SHC2: variants seen among roughly 807,000 people sequenced by gnomAD.
SHC2 encodes SHC adaptor protein 2.
In SHC2, 62 loss-of-function variants were observed where a neutral mutation model predicts 60.6. That is an observed-to-expected ratio of 1.02 (90% CI 0.83 to 1.26). The LOEUF (loss-of-function observed/expected upper bound fraction) is 1.26, where lower values mean the gene tolerates loss of function less well. Ranked by LOEUF, SHC2 falls within the 50% of genes most tolerant of loss-of-function variation. The pLI, the probability that SHC2 is intolerant of heterozygous loss-of-function variation, is 0.00. For missense variants in SHC2, 873 were observed against 822.2 expected, an observed-to-expected ratio of 1.06 and a Z score of -0.76; for synonymous variants, 375 against 372.4, an observed-to-expected ratio of 1.01 and a Z score of -0.08.
chr19:427,524 CA>C (rs1974449446), intron 9 of SHC2, among the ~76,000 whole-genome samples: 1 of 138,964 alleles, frequency 7.2e-6, no homozygotes, highest in African/African-American at 2.7e-5. Context: ...GCGCACGGCA[CA>C]GGGAAGGGGA....
At position 441,186 on chromosome 19, in the gene SHC2, C is replaced by A. The variant is rs148721060; in HGVS notation, c.469-254G>T. ...TCAGGAGCCTGGTGGTTCCCCCAGA[C>A]GCTCTATGCTGCTTGTTCATTTAAC... On this transcript the variant is annotated intron_variant, in intron 1 of 12. Transcript: ENST00000264554. The surrounding 1 kb of genome is among the most constrained non-coding windows in gnomAD (Gnocchi z 4.9). 4 of 984,274 alleles carry A rather than the reference C, an allele frequency of 4.1e-6. No individual in the cohort carries two copies. The East Asian group carries it at 4.6e-4, about 113-fold the overall frequency. The allele number at this position is 984,274 out of a possible 1,614,324, so 61.0% of individuals were successfully genotyped here.
rs1234985891 is a variant in SHC2 at position 440,864 on chromosome 19, G to A, written c.537C>T (p.Thr179=). The change falls in exon 2 of 13, where the codon ACC becomes ACT. Residue 179 remains threonine (T), a splice_region_variant and synonymous_variant. Transcript: ENST00000264554. The surrounding 1 kb of genome is among the most constrained non-coding windows in gnomAD (Gnocchi z 7.0). ...CCAGGGCAGGGTTGGAGGCTCACCT[G>A]GTCACCTGCGTGCGCGTGTTAAAGT... ...SLDFNTRTQV[T]REAINRLHEA... is the part of the protein sequence containing the mutation. The A allele has an allele frequency of 1.2e-6, 2 of 1,612,272 alleles. No homozygotes were observed. The highest frequency in any genetic ancestry group is 1.7e-6 in the Non-Finnish European group (2 of 1,179,472).
At chr19:420,790 G>A (rs1445430297) in intron 11 of SHC2, among the ~76,000 whole-genome samples, 7 of 152,074 alleles carry the variant, frequency 4.6e-5, no homozygotes, top group East Asian at 1.9e-4. Context: ...GGTGGCTCAC[G>A]CCTGTAATCC....
Position 425,235 on chromosome 19 carries a change from G to C in SHC2, c.1175-4C>G. The C allele has an allele frequency of 7.5e-7, 1 of 1,329,576 alleles. No homozygotes were observed. Among genetic ancestry groups the C allele is most frequent in the Middle Eastern group, 2.4e-4 (1 of 4,126 alleles). The allele number at this position is 1,329,576 out of a possible 1,614,324, so 82.4% of individuals were successfully genotyped here. On this transcript the variant is annotated splice_region_variant and splice_polypyrimidine_tract_variant and intron_variant, in intron 9 of 12. Transcript: ENST00000264554. The surrounding 1 kb of genome is among the most constrained non-coding windows in gnomAD (Gnocchi z 4.1). ...ACGTAGCCGTCCCCCGGTGGAGCTG[G>C]GGAGTGTAAAGAGGGGCAGGGGGTC... is the stretch of plus-strand genomic sequence containing the variant.
chr19:447,790 A>T (rs1449243418), intron 1 of SHC2, among the ~76,000 whole-genome samples: 7 of 152,194 alleles, frequency 4.6e-5, no homozygotes, highest in Middle Eastern at 3.4e-3. Context: ...AAAAAAAATT[A>T]AAAAATTATA....
At position 436,224 on chromosome 19, in the gene SHC2, G is replaced by A. The variant is rs139489974; in HGVS notation, c.894C>T (p.Phe298=). The A allele has an allele frequency of 1.4e-4, 227 of 1,603,450 alleles. No individual in the cohort carries two copies. In the African/African-American group the frequency reaches 1.9e-3, roughly 14 times the overall value. Residue 298 remains phenylalanine, a synonymous_variant, in exon 7 of 13, where the codon TTC becomes TTT. Transcript: ENST00000264554. ...GCAGGTACTGCTTGAAGCGCAGCTCGAAAGCTTGGCCCACGGTGCTGATGA... is the reference window on the plus strand; with the variant it reads ...GCAGGTACTGCTTGAAGCGCAGCTCAAAAGCTTGGCCCACGGTGCTGATGA... ...QSIISTVGQA[F]ELRFKQYLHS... is the part of the protein sequence containing the mutation.
intron 9 of SHC2, among the ~76,000 whole-genome samples, chr19:426,926 C>G (rs995013863): frequency 6.6e-6 from 1 of 151,968 alleles, no homozygotes; most frequent in African/African-American, 2.4e-5. Context: ...CCTGGACCCG[C>G]GCTATGGGCA....
At position 437,256 on chromosome 19, in the gene SHC2, T is replaced by TGCGTGCTCGTC. The variant is rs1974746516; in HGVS notation, c.721-574_721-573insGACGAGCACGC. Among the ~76,000 whole-genome samples the TGCGTGCTCGTC allele has an allele frequency of 6.0e-5, 9 of 151,250 alleles. No homozygotes were observed. The South Asian group carries it at 1.3e-3, about 21-fold the overall frequency. On this transcript the variant is annotated intron_variant, in intron 4 of 12. Transcript: ENST00000264554. ...TTTGCGAGCTCATCTGCGTGCTCGTTTGCGTGCTCGTCTGCGTGCTCGTCT... is the reference window on the plus strand; with the variant it reads ...TTTGCGAGCTCATCTGCGTGCTCGTTGCGTGCTCGTCTGCGTGCTCGTCTGCGTGCTCGTCT...
At position 429,874 on chromosome 19, in the gene SHC2, C is replaced by T. The variant is rs367564605; in HGVS notation, c.1174+810G>A. Among the ~76,000 whole-genome samples, 39 of 149,088 alleles carry T rather than the reference C, an allele frequency of 2.6e-4. No individual in the cohort carries two copies. The East Asian group carries it at 6.2e-3, about 24-fold the overall frequency. On this transcript the variant is annotated intron_variant, in intron 9 of 12. Coordinates refer to ENST00000264554, the MANE Select transcript of SHC2 (RefSeq NM_012435.3). ...CAGAAACCTAACACCGTGTGGATGA[C>T]GCAGTACCTATATCCAACGTGCAGA...
At chr19:458,899 C>T (rs1375126805) in intron 1 of SHC2, among the ~76,000 whole-genome samples, 1 of 151,908 alleles carries the variant, frequency 6.6e-6, no homozygotes, top group African/African-American at 2.4e-5. Context: ...GCAGGCCGAG[C>T]GCGCCTGGGG....
chr19:422,019 A>G lies in SHC2; in HGVS notation c.1620+127T>C. 1.0e-6 allele frequency: 1 copy of G among 985,406 alleles called. No individual in the cohort carries two copies. The highest frequency in any genetic ancestry group is 1.4e-6 in the Non-Finnish European group (1 of 697,246). 61.0% of individuals were successfully genotyped at this position (985,406 alleles called of 1,614,324 possible). A position where few individuals can be genotyped will look rare whatever the true frequency, so the allele number is the denominator to read the frequency against. On this transcript the variant is annotated intron_variant, in intron 11 of 12. Transcript: ENST00000264554. This position sits in a 1 kb window ranked among gnomAD's most constrained non-coding sequence, Gnocchi z 5.0. ...ATGGAAAGCTCCTGCATGCCCCGAG[A>G]CCCTCGAGACCCTTGAGACCCTCCC... is the stretch of plus-strand genomic sequence containing the variant.
chr19:418,397 ACG>A (rs1367666188), intron 12 of SHC2, among the ~76,000 whole-genome samples: 2 of 152,240 alleles, frequency 1.3e-5, no homozygotes, highest in African/African-American at 4.8e-5. Context: ...ACGGGCAGTG[ACG>A]CGTGTCCACA....
At chr19:452,284 G>A (rs1975220550) in intron 1 of SHC2, among the ~76,000 whole-genome samples, 1 of 121,242 alleles carries the variant, frequency 8.2e-6, no homozygotes, top group Non-Finnish European at 1.7e-5. Flanking sequence ...CATTGAGGTT[G>A]GGGCATCGTA....
intron 11 of SHC2, among the ~76,000 whole-genome samples, chr19:421,437 G>GA (rs1040904151): frequency 8.2e-6 from 1 of 122,448 alleles, no homozygotes; most frequent in South Asian, 3.1e-4. Flanking sequence ...GAAAAAGAGA[G>GA]AAAAAAAGGA....
In SHC2 at chr19:418,615, A is replaced by G. The variant is rs776754828; in HGVS notation, c.*5+308T>C. Among the ~76,000 whole-genome samples, 22 of 152,350 alleles carry G rather than the reference A, an allele frequency of 1.4e-4. 1 individual carries two copies. The highest frequency in any genetic ancestry group is 2.4e-4 in the Non-Finnish European group (16 of 68,030). ...AGAGACGCCAGACACAGAAGGACAC[A>G]CAGCGTGGAATCCCATTGCTATGAA... is the stretch of plus-strand genomic sequence containing the variant. On this transcript the variant is annotated intron_variant, in intron 12 of 12. Transcript: ENST00000264554.
In SHC2 at chr19:422,593, G is replaced by A. The variant is rs1319043733; in HGVS notation, c.1310-137C>T. Reference sequence around the variant, plus strand: ...CCTGCGCTGACCGAGCGCCCACAGCGTATCAGACTCGCACTCTGCCCAGCC... The same window carrying A: ...CCTGCGCTGACCGAGCGCCCACAGCATATCAGACTCGCACTCTGCCCAGCC... On this transcript the variant is annotated intron_variant, in intron 10 of 12. Coordinates refer to ENST00000264554, the MANE Select transcript of SHC2 (RefSeq NM_012435.3). The surrounding 1 kb of genome is among the most constrained non-coding windows in gnomAD (Gnocchi z 5.0). 1.5e-5 allele frequency: 10 copies of A among 680,114 alleles called. No homozygotes were observed. The highest frequency in any genetic ancestry group is 5.4e-5 in the African/African-American group (3 of 55,174). 42.1% of individuals were successfully genotyped at this position (680,114 alleles called of 1,614,324 possible). A position where few individuals can be genotyped will look rare whatever the true frequency, so the allele number is the denominator to read the frequency against.
rs76217542 is a variant in SHC2, at chr19:425,370, C to T, written c.1175-139G>A. 1 of 666,238 alleles carries T rather than the reference C, an allele frequency of 1.5e-6. No individual in the cohort carries two copies. The highest frequency in any genetic ancestry group is 3.4e-5 in the East Asian group (1 of 29,208). The allele number at this position is 666,238 out of a possible 1,614,324, so 41.3% of individuals were successfully genotyped here. On this transcript the variant is annotated intron_variant, in intron 9 of 12. Coordinates refer to ENST00000264554, the MANE Select transcript of SHC2 (RefSeq NM_012435.3). This position sits in a 1 kb window ranked among gnomAD's most constrained non-coding sequence, Gnocchi z 4.1. Reference sequence around the variant, plus strand: ...GCAGGGCGGATGCTGCTCTGGTCTCCCTGTGGTAACCCGCCCGTCTGCAGG... The same window carrying T: ...GCAGGGCGGATGCTGCTCTGGTCTCTCTGTGGTAACCCGCCCGTCTGCAGG...
chr19:447,144 C>T (rs995478059), intron 1 of SHC2, among the ~76,000 whole-genome samples: 2 of 152,208 alleles, frequency 1.3e-5, no homozygotes, highest in East Asian at 1.9e-4. Flanking sequence ...GTGACCCAGA[C>T]GTGAAAAGGA....
chr19:438,844 TG>T lies in SHC2; in HGVS notation c.601-8del. On this transcript the variant is annotated splice_polypyrimidine_tract_variant and splice_region_variant and intron_variant, in intron 3 of 12. Coordinates refer to ENST00000264554, the MANE Select transcript of SHC2 (RefSeq NM_012435.3). This position sits in a 1 kb window ranked among gnomAD's most constrained non-coding sequence, Gnocchi z 5.0. ...CCAGGGCCTTGTTGGGGGCCTGAGT[TG>T]GGGGCGGAGCACAGCGAGGGCGGCT... The T allele has an allele frequency of 6.4e-7, 1 of 1,563,594 alleles. No individual in the cohort carries two copies. The highest frequency in any genetic ancestry group is 1.4e-5 in the African/African-American group (1 of 73,664).
Sources: allele counts gnomAD v4.1 joint callset (sites outside exome capture counted in the v4.1 genomes callset), GRCh38; gene constraint gnomAD v4.1.1; non-coding constraint Gnocchi (gnomAD v3.1); transcripts MANE v1.5; gene names NCBI Gene and HGNC (gene_info 2026-07-23, HGNC 2026-07-21).